Variants in VKORC1L1 observed in about 807,000 individuals in gnomAD.
VKORC1L1 encodes vitamin K epoxide reductase complex subunit 1-like protein 1.
A neutral mutation model predicts 18.9 loss-of-function variants in VKORC1L1; 2 were observed. The ratio of observed to expected loss-of-function variants is 0.11; its 90% CI spans 0.04 to 0.33. The LOEUF is 0.33. Ranked by LOEUF, VKORC1L1 falls within the 10% of genes least tolerant of loss-of-function variation. The pLI is 1.00. For missense variants in VKORC1L1, 123 were observed against 224.1 expected (o/e 0.55, Z 2.88); for synonymous variants, 96 against 100.0 (o/e 0.96, Z 0.24).
chr7:65,888,635 AG>A (rs1312370541), intron 1 of VKORC1L1, among the ~76,000 whole-genome samples: 1 of 151,906 alleles, frequency 6.6e-6, no homozygotes, highest in Non-Finnish European at 1.5e-5. Context: ...TGCGGTGGTG[AG>A]GGGGGTGCAG....
chr7:65,949,452 C>A (rs961642362), intron 2 of VKORC1L1, among the ~76,000 whole-genome samples: 1 of 151,760 alleles, frequency 6.6e-6, no homozygotes, highest in Non-Finnish European at 1.5e-5. Flanking sequence ...GCACTCCAGC[C>A]TGGGCAACAA....
At chr7:65,915,592 C>A (rs1472212671) in intron 1 of VKORC1L1, among the ~76,000 whole-genome samples, 1 of 151,480 alleles carries the variant, frequency 6.6e-6, no homozygotes, top group African/African-American at 2.4e-5. Flanking sequence ...CTGTAATTCT[C>A]CCTTCGTCTC....
intron 1 of VKORC1L1, among the ~76,000 whole-genome samples, chr7:65,887,452 G>A (rs953901303): frequency 2.0e-5 from 3 of 151,884 alleles, no homozygotes; most frequent in African/African-American, 7.3e-5. Flanking sequence ...GAGTGGAAGT[G>A]TAGGTTCTGA....
intron 1 of VKORC1L1, among the ~76,000 whole-genome samples, chr7:65,914,682 A>C (rs1215932147): frequency 6.6e-6 from 1 of 152,112 alleles, no homozygotes; most frequent in Non-Finnish European, 1.5e-5. Context: ...TTTCATTCTT[A>C]GAATTCTCTT....
upstream of VKORC1L1, among the ~76,000 whole-genome samples, chr7:65,870,442 T>C (rs1409491930): frequency 1.3e-5 from 2 of 151,224 alleles, no homozygotes; most frequent in Admixed American, 6.6e-5. Context: ...AATTTAAAAA[T>C]AAAAATAAAA....
chr7:65,916,641 C>T (rs1027762302), intron 1 of VKORC1L1, among the ~76,000 whole-genome samples: 6 of 151,698 alleles, frequency 4.0e-5, no homozygotes, highest in Non-Finnish European at 8.8e-5. Flanking sequence ...TCTTGTTGCC[C>T]AGGCTGGAGT....
At chr7:65,907,895 T>TC (rs1491070898) in intron 1 of VKORC1L1, among the ~76,000 whole-genome samples, 2 of 146,232 alleles carry the variant, frequency 1.4e-5, no homozygotes, top group African/African-American at 5.0e-5. Context: ...TTTTTTTTTT[T>TC]CCCGTATCAA....
intron 1 of VKORC1L1, among the ~76,000 whole-genome samples, chr7:65,937,761 A>G (rs1050294772): frequency 1.3e-5 from 2 of 152,192 alleles, no homozygotes; most frequent in Non-Finnish European, 2.9e-5. Flanking sequence ...ATAGACGGTT[A>G]ATGGTCCTCA....
At chr7:65,945,804 A>G (rs1443537243) in intron 1 of VKORC1L1, among the ~76,000 whole-genome samples, 1 of 152,254 alleles carries the variant, frequency 6.6e-6, no homozygotes, top group Non-Finnish European at 1.5e-5. Context: ...TTTCGAGGAA[A>G]ATACCCATGT....
intron 1 of VKORC1L1, among the ~76,000 whole-genome samples, chr7:65,905,025 G>T (rs79571489): frequency 6.6e-6 from 1 of 151,908 alleles, no homozygotes; most frequent in East Asian, 1.9e-4. Flanking sequence ...ATATGTATAT[G>T]TATACATATA....
intron 1 of VKORC1L1, among the ~76,000 whole-genome samples, chr7:65,932,206 T>C (rs979384064): frequency 2.6e-5 from 4 of 151,994 alleles, no homozygotes; most frequent in Admixed American, 6.6e-5. Flanking sequence ...CCAGTAATTC[T>C]CCTGCCTCAG....
In VKORC1L1 at chr7:65,957,068, G is replaced by C. The variant is rs1456835815; in HGVS notation, c.*2768G>C. On this transcript the variant is annotated 3_prime_UTR_variant, in exon 3 of 3. Coordinates refer to ENST00000360768, the MANE Select transcript of VKORC1L1 (RefSeq NM_173517.6). ...CTCTCACTAAAGGTAAATTTCCGGTGAAATAACTCAGGTTTAACTAGCTGT... is the reference window on the plus strand; with the variant it reads ...CTCTCACTAAAGGTAAATTTCCGGTCAAATAACTCAGGTTTAACTAGCTGT... 2 of 152,240 alleles carry C rather than the reference G, an allele frequency of 1.3e-5. No individual in the cohort carries two copies. Among genetic ancestry groups the C allele is most frequent in the Non-Finnish European group, 2.9e-5 (2 of 68,050 alleles). 9.4% of individuals were successfully genotyped at this position (152,240 alleles called of 1,614,324 possible). A position where few individuals can be genotyped will look rare whatever the true frequency, so the allele number is the denominator to read the frequency against.
intron 1 of VKORC1L1, among the ~76,000 whole-genome samples, chr7:65,929,400 ACT>A (rs1417398476): frequency 6.6e-6 from 1 of 151,828 alleles, no homozygotes; most frequent in Non-Finnish European, 1.5e-5. Context: ...TGACAGGGAG[ACT>A]CTGTCTCAAA....
intron 1 of VKORC1L1, among the ~76,000 whole-genome samples, chr7:65,918,033 G>A (rs549637141): frequency 2.5e-4 from 38 of 152,262 alleles, no homozygotes; most frequent in African/African-American, 8.7e-4. Flanking sequence ...GTTCTGTCTC[G>A]ATAGTGCCAC....
intron 1 of VKORC1L1, among the ~76,000 whole-genome samples, chr7:65,884,657 T>C (rs2116341674): frequency 6.6e-6 from 1 of 152,198 alleles, no homozygotes; most frequent in Non-Finnish European, 1.5e-5. Context: ...ATATTACCAC[T>C]ATTTTCCCAT....
chr7:65,913,508 T>G (rs1013918333), intron 1 of VKORC1L1, among the ~76,000 whole-genome samples: 1 of 151,762 alleles, frequency 6.6e-6, no homozygotes, highest in East Asian at 1.9e-4. Context: ...GGTGGATCAC[T>G]TGAGGTCAGG....
intron 1 of VKORC1L1, among the ~76,000 whole-genome samples, chr7:65,915,451 C>T (rs901295874): frequency 6.6e-6 from 1 of 150,534 alleles, no homozygotes; most frequent in Admixed American, 6.6e-5. Context: ...TGCTCTGCCA[C>T]CGAGGCTGGA....
At chr7:65,935,757 C>T (rs1789932179) in intron 1 of VKORC1L1, among the ~76,000 whole-genome samples, 1 of 152,096 alleles carries the variant, frequency 6.6e-6, no homozygotes, top group Non-Finnish European at 1.5e-5. Flanking sequence ...TGGCATTCTT[C>T]GAGTTTAATC....
At chr7:65,876,933 C>T (rs562046638) in intron 1 of VKORC1L1, among the ~76,000 whole-genome samples, 8 of 152,102 alleles carry the variant, frequency 5.3e-5, no homozygotes, top group Non-Finnish European at 1.2e-4. Flanking sequence ...GTATTTCCAG[C>T]TTCTTGGGAG....
Sources: gnomAD v4.1 joint callset for allele counts (sites outside exome capture counted in the v4.1 genomes callset) on GRCh38, gnomAD v4.1.1 for gene constraint, MANE v1.5 for transcripts, NCBI Gene and HGNC (gene_info 2026-07-23, HGNC 2026-07-21) for gene names.